Variants in IL10RB observed in about 807,000 individuals in gnomAD.
IL10RB encodes interleukin 10 receptor subunit beta, also known as interleukin-10 receptor subunit beta.
Under a neutral mutation model 38.7 loss-of-function variants are expected in IL10RB, and 30 were observed. The observed-to-expected ratio is 0.78, with a 90% CI of 0.58 to 1.05. The LOEUF is 1.05. Ranked by LOEUF, IL10RB falls within the 50% of genes least tolerant of loss-of-function variation. The pLI, the probability that IL10RB is intolerant of heterozygous loss-of-function variation, is 0.00. For missense variants in IL10RB, 328 were observed against 397.1 expected (o/e 0.83, Z 1.48); for synonymous variants, 142 against 145.9 (o/e 0.97, Z 0.19).
intron 3 of IL10RB, among the ~76,000 whole-genome samples, chr21:33,278,441 A>G (rs896716963): frequency 6.6e-6 from 1 of 152,236 alleles, no homozygotes; most frequent in African/African-American, 2.4e-5. Flanking sequence ...TTACAAAAAC[A>G]AAGGAAAGAT....
At chr21:33,269,818 C>G (rs1989043465) in intron 2 of IL10RB, among the ~76,000 whole-genome samples, 1 of 152,080 alleles carries the variant, frequency 6.6e-6, no homozygotes, top group Non-Finnish European at 1.5e-5. Context: ...ACCACCATGC[C>G]CAGCTAATTT....
chr21:33,276,712 A>G lies in IL10RB; in HGVS notation c.290A>G (p.His97Arg). 6.2e-7 allele frequency: 1 copy of G among 1,614,130 alleles called. No homozygotes were observed. The highest frequency in any genetic ancestry group is 8.5e-7 in the Non-Finnish European group (1 of 1,179,966). Residue 97 changes from histidine (H) to arginine (R), a missense_variant, in exon 3 of 7, where the codon CAT becomes CGT. By Grantham distance (29) the His-to-Arg change is conservative. Transcript: ENST00000290200. The stretch of plus-strand genomic sequence containing the variant: ...GTCAGGGCTGAATTTGCAGATGAGC[A>G]TTCAGACTGGGTAAACATCACCTTC... ...LRVRAEFADE[H>R]SDWVNITFCP...
chr21:33,276,543 A>G, intron 2 of IL10RB, 53 bp from the exon 3 acceptor site: 2 of 1,464,172 alleles, frequency 1.4e-6, no homozygotes, highest in Non-Finnish European at 1.9e-6. Context: ...AGTCAGCCTC[A>G]GGGAGACTGA....
At chr21:33,283,032 A>G in intron 4 of IL10RB, 62 bp from the exon 5 acceptor site, 1 of 1,371,364 alleles carries the variant, frequency 7.3e-7, no homozygotes. Context: ...TAAATGTGAA[A>G]AAAAAAAAGG....
chr21:33,266,404 C>G lies in IL10RB; in HGVS notation c.-62C>G, dbSNP rs1988940736. The G allele has an allele frequency of 2.0e-6, 3 of 1,521,506 alleles. No individual in the cohort carries two copies. The highest frequency in any genetic ancestry group is 2.0e-5 in the Admixed American group (1 of 50,634). The allele number at this position is 1,521,506 out of a possible 1,614,324, so 94.3% of individuals were successfully genotyped here. A position where few individuals can be genotyped will look rare whatever the true frequency, so the allele number is the denominator to read the frequency against. On this transcript the variant is annotated 5_prime_UTR_variant, in exon 1 of 7. Transcript: ENST00000290200. ...TCCCGGAAGCCGCCGCGGACAAGCT[C>G]TCCCGGGCGCGGGCGGGGGTCGTGT...
Position 33,279,809 on chromosome 21 carries a change from G to A in IL10RB, c.389G>A (p.Arg130His), listed in dbSNP as rs775140370. The A allele has an allele frequency of 3.0e-5, 48 of 1,613,460 alleles. No homozygotes were observed. Among genetic ancestry groups the A allele is most frequent in the Admixed American group, 8.3e-5 (5 of 60,002 alleles). ...VEVLADSLHM[R>H]FLAPKIENEY... is the part of the protein sequence containing the mutation. ...GTACTTGCTGATTCTTTACATATGC[G>A]TTTCTTAGCCCCTAAAATTGAGAAT... Residue 130 changes from arginine to histidine, a missense_variant, in exon 4 of 7, where the codon CGT becomes CAT. Arg to His is a conservative substitution (Grantham distance 29). Transcript: ENST00000290200.
At chr21:33,301,095 G>C (rs6517159), downstream of IL10RB, among the ~76,000 whole-genome samples, 117,819 of 152,174 alleles carry the variant, frequency 0.77, 46,329 homozygotes, top group African/African-American at 0.91. Context: ...CAGCAAGGGA[G>C]TTAGCTGAGA....
rs183692948 is a variant in IL10RB, at chr21:33,271,018, G to T, written c.173+2501G>T. Among the ~76,000 whole-genome samples the T allele has an allele frequency of 3.9e-4, 60 of 152,294 alleles. No individual in the cohort carries two copies. In the East Asian group the frequency reaches 0.011, roughly 28 times the overall value. ...CATTATAGTCGAGGCACTTGGCTTT[G>T]CATGTTTATCTTTTATGTTAGCGAT... On this transcript the variant is annotated intron_variant, in intron 2 of 6. Transcript: ENST00000290200.
chr21:33,305,404 C>T (rs1355362028), intron 1 of IL10RB, among the ~76,000 whole-genome samples: 2 of 152,130 alleles, frequency 1.3e-5, no homozygotes, highest in Non-Finnish European at 2.9e-5. Flanking sequence ...GCCCCATGCC[C>T]GGCCCTTCAA....
Position 33,272,009 on chromosome 21 carries a change from A to T in IL10RB, c.173+3492A>T, listed in dbSNP as rs8178457. 5.8e-3 allele frequency among the ~76,000 whole-genome samples: 889 copies of T among 152,228 alleles called. 12 individuals are homozygous for T. Among genetic ancestry groups the T allele is most frequent in the African/African-American group, 0.02 (851 of 41,534 alleles). ...AGAAAGAAGGTAGGGAGGAAAAAAA[A>T]TATGGCCACATGTGAGAAAACCCCC... On this transcript the variant is annotated intron_variant, in intron 2 of 6. Coordinates refer to ENST00000290200, the MANE Select transcript of IL10RB (RefSeq NM_000628.5).
At chr21:33,290,053 G>T (rs1989454827) in intron 6 of IL10RB, among the ~76,000 whole-genome samples, 1 of 152,102 alleles carries the variant, frequency 6.6e-6, no homozygotes, top group South Asian at 2.1e-4. Flanking sequence ...GGCGGAGCTG[G>T]CAGTGAGCCA....
At chr21:33,303,909 G>A (rs1176102959) in intron 1 of IL10RB, among the ~76,000 whole-genome samples, 1 of 152,224 alleles carries the variant, frequency 6.6e-6, no homozygotes, top group African/African-American at 2.4e-5. Flanking sequence ...TGTCTTCTAT[G>A]TTCCTGGCAA....
Position 33,278,220 on chromosome 21 carries a change from C to CA in IL10RB, c.331+1474dup, listed in dbSNP as rs552179773. On this transcript the variant is annotated intron_variant, in intron 3 of 6. Transcript: ENST00000290200. ...GGGTGACCAGAGTGAAGTCTTATCTCAAAAAAAGAAGTGTCTCTATATGGG... is the reference window on the plus strand; with the variant it reads ...GGGTGACCAGAGTGAAGTCTTATCTCAAAAAAAAGAAGTGTCTCTATATGGG... Among the ~76,000 whole-genome samples the CA allele has an allele frequency of 2.1e-4, 32 of 151,822 alleles. No individual in the cohort carries two copies. In the East Asian group the frequency reaches 2.3e-3, roughly 11 times the overall value.
At chr21:33,301,388 C>T (rs2082985557), downstream of IL10RB, among the ~76,000 whole-genome samples, 1 of 152,202 alleles carries the variant, frequency 6.6e-6, no homozygotes, top group East Asian at 1.9e-4. Flanking sequence ...GACTATTGGG[C>T]TGGCACTTTA....
chr21:33,284,034 G>A (rs1568908136), intron 5 of IL10RB, among the ~76,000 whole-genome samples: 1 of 152,148 alleles, frequency 6.6e-6, no homozygotes, highest in South Asian at 2.1e-4. Context: ...GGTGGCTCAC[G>A]CCTGTAATCC....
At chr21:33,291,044 T>C (rs1299899390) in intron 6 of IL10RB, among the ~76,000 whole-genome samples, 1 of 152,184 alleles carries the variant, frequency 6.6e-6, no homozygotes, top group Non-Finnish European at 1.5e-5. Flanking sequence ...TTGGCGTTCC[T>C]TGGCTTCTAG....
chr21:33,275,440 G>A (rs996915743), intron 2 of IL10RB, among the ~76,000 whole-genome samples: 48 of 152,114 alleles, frequency 3.2e-4, no homozygotes, highest in African/African-American at 1.1e-3. Flanking sequence ...ACAGGCGTGA[G>A]CCACCACACC....
intron 6 of IL10RB, among the ~76,000 whole-genome samples, chr21:33,292,143 C>T (rs1342511132): frequency 6.6e-6 from 1 of 152,202 alleles, no homozygotes; most frequent in African/African-American, 2.4e-5. Flanking sequence ...TGTCCCTAAC[C>T]TTCCAGTCTT....
At chr21:33,281,848 T>C (rs1164369519) in intron 4 of IL10RB, among the ~76,000 whole-genome samples, 1 of 152,084 alleles carries the variant, frequency 6.6e-6, no homozygotes. Flanking sequence ...ATGAAGGGCT[T>C]TTGAGAATTC....
Sources: allele counts gnomAD v4.1 joint callset (sites outside exome capture counted in the v4.1 genomes callset), GRCh38; gene constraint gnomAD v4.1.1; transcripts MANE v1.5; gene names NCBI Gene and HGNC (gene_info 2026-07-23, HGNC 2026-07-21).